PDE10A: variants seen among roughly 807,000 people sequenced by gnomAD.
PDE10A encodes the protein phosphodiesterase 10A.
PDE10A carries 39 observed loss-of-function variants against 97.7 expected under a neutral mutation model. The ratio of observed to expected loss-of-function variants is 0.40; its 90% CI spans 0.31 to 0.52. The LOEUF is 0.52. Among genes scored for constraint, PDE10A ranks in the 20% least tolerant of loss-of-function variants. The pLI, the probability that PDE10A is intolerant of heterozygous loss-of-function variation, is 0.56. For missense variants in PDE10A, 731 were observed against 1,047.8 expected, an observed-to-expected ratio of 0.70 and a Z score of 4.17; for synonymous variants, 371 against 376.8, an observed-to-expected ratio of 0.98 and a Z score of 0.18.
At chr6:165,542,853 C>G (rs973411859) in intron 2 of PDE10A, among the ~76,000 whole-genome samples, 9 of 151,780 alleles carry the variant, frequency 5.9e-5, no homozygotes, top group African/African-American at 2.2e-4. Flanking sequence ...CTCCTGACCT[C>G]GTGATCCGCC....
intron 1 of PDE10A, among the ~76,000 whole-genome samples, chr6:165,765,657 C>A (rs1377434055): frequency 6.6e-6 from 1 of 152,218 alleles, no homozygotes; most frequent in Non-Finnish European, 1.5e-5. Context: ...GGTTCCTGCT[C>A]GCGCCTCTCC....
At chr6:165,361,690 T>A (rs1188969921) in intron 18 of PDE10A, among the ~76,000 whole-genome samples, 1 of 152,104 alleles carries the variant, frequency 6.6e-6, no homozygotes, top group Non-Finnish European at 1.5e-5. Flanking sequence ...CATGTGATGA[T>A]GGAGGCAGAG....
rs1252342139 is a variant in PDE10A at position 165,619,537 on chromosome 6, A to ATGTAG, written c.865+42405_865+42409dup. Among the ~76,000 whole-genome samples, 49 of 15,904 alleles carry ATGTAG rather than the reference A, an allele frequency of 3.1e-3. 2 individuals are homozygous for ATGTAG. Among genetic ancestry groups the ATGTAG allele is most frequent in the South Asian group, 4.2e-3 (2 of 476 alleles). 10.4% of individuals were successfully genotyped at this position (15,904 alleles called of 152,430 possible). A position where few individuals can be genotyped will look rare whatever the true frequency, so the allele number is the denominator to read the frequency against. On this transcript the variant is annotated intron_variant, in intron 1 of 21. Coordinates refer to ENST00000539869, the MANE Select transcript of PDE10A (RefSeq NM_001385079.1). ...GTCTAGTGTAGTGTAGTGTAGTCTAATGTAGTGTAGTGTAGTCTAGTGTAG... is the reference window on the plus strand; with the variant it reads ...GTCTAGTGTAGTGTAGTGTAGTCTAATGTAGTGTAGTGTAGTGTAGTCTAGTGTAG...
chr6:165,611,806 T>G (rs828572), intron 1 of PDE10A, among the ~76,000 whole-genome samples: 22 of 152,274 alleles, frequency 1.4e-4, no homozygotes, highest in African/African-American at 5.1e-4. Context: ...GATAATGTAC[T>G]GTTCAGGTTT....
chr6:165,894,306 G>T (rs1781882413), intron 1 of PDE10A: 1 of 455,972 alleles, frequency 2.2e-6, no homozygotes, highest in African/African-American at 2.0e-5. Flanking sequence ...CCAATCTGCA[G>T]ATGACAAATT....
chr6:165,502,002 A>G (rs1353118883), intron 2 of PDE10A, among the ~76,000 whole-genome samples: 1 of 152,238 alleles, frequency 6.6e-6, no homozygotes, highest in African/African-American at 2.4e-5. Context: ...CATATATGTG[A>G]ATTTAGGCAA....
At chr6:165,963,765 C>A (rs1784425809) in intron 1 of PDE10A, among the ~76,000 whole-genome samples, 1 of 152,180 alleles carries the variant, frequency 6.6e-6, no homozygotes, top group South Asian at 2.1e-4. Context: ...GGTGGTATCC[C>A]CTGCTGGCAC....
chr6:165,347,268 T>C (rs535279491), intron 18 of PDE10A, among the ~76,000 whole-genome samples: 17 of 152,276 alleles, frequency 1.1e-4, no homozygotes, highest in Admixed American at 9.8e-4. Flanking sequence ...TCTGAAAGTA[T>C]TATTTGAACA....
chr6:165,782,636 G>C (rs893310424), intron 1 of PDE10A, among the ~76,000 whole-genome samples: 9 of 152,188 alleles, frequency 5.9e-5, no homozygotes, highest in Non-Finnish European at 1.3e-4. Context: ...AACACAATCT[G>C]TCGTATTTCC....
rs573103811 is a variant in PDE10A, at chr6:165,330,839, C to T, written c.*2186G>A. 6.6e-6 allele frequency: 1 copy of T among 152,174 alleles called. No homozygotes were observed. The highest frequency in any genetic ancestry group is 1.9e-4 in the East Asian group (1 of 5,176). The allele number at this position is 152,174 out of a possible 1,614,324, so 9.4% of individuals were successfully genotyped here. ...CCCTTCCTGAAATTCCATCTCCAAGCGAAATGAGATAACTAAACTAACTTT... is the reference window on the plus strand; with the variant it reads ...CCCTTCCTGAAATTCCATCTCCAAGTGAAATGAGATAACTAAACTAACTTT... On this transcript the variant is annotated 3_prime_UTR_variant, in exon 22 of 22. Transcript: ENST00000539869.
intron 1 of PDE10A, among the ~76,000 whole-genome samples, chr6:165,831,579 G>A (rs1196830599): frequency 2.0e-5 from 3 of 147,094 alleles, no homozygotes; most frequent in South Asian, 4.7e-4. Flanking sequence ...CCGGGTTCAC[G>A]CCATTCTCCT....
chr6:165,550,580 A>G (rs1481845770), intron 1 of PDE10A, among the ~76,000 whole-genome samples: 2 of 152,258 alleles, frequency 1.3e-5, no homozygotes, highest in African/African-American at 2.4e-5. Flanking sequence ...TGAAGAACAC[A>G]AGATTATTGA....
intron 18 of PDE10A, among the ~76,000 whole-genome samples, chr6:165,377,877 G>A (rs1487511285): frequency 6.6e-6 from 1 of 152,184 alleles, no homozygotes; most frequent in African/African-American, 2.4e-5. Context: ...CCTAATTGAT[G>A]TTTAGGGGCT....
At chr6:165,827,404 A>G in intron 1 of PDE10A, among the ~76,000 whole-genome samples, 1 of 152,132 alleles carries the variant, frequency 6.6e-6, no homozygotes, top group East Asian at 1.9e-4. Flanking sequence ...TCCCAGAAGA[A>G]CTCCTCCCAG....
rs1294566783 is a variant in PDE10A, at chr6:165,395,170, G to T, written c.2303+11C>A. On this transcript the variant is annotated intron_variant, in intron 15 of 21. Coordinates refer to ENST00000539869, the MANE Select transcript of PDE10A (RefSeq NM_001385079.1). ...AATATTTCAAAAAGTAAATTTTAAAGTCATTCATACCAGGATGTCCCACAG... is the reference window on the plus strand; with the variant it reads ...AATATTTCAAAAAGTAAATTTTAAATTCATTCATACCAGGATGTCCCACAG... The T allele has an allele frequency of 6.3e-7, 1 of 1,587,952 alleles. No individual in the cohort carries two copies. Among genetic ancestry groups the T allele is most frequent in the Non-Finnish European group, 8.6e-7 (1 of 1,157,060 alleles).
chr6:165,981,821 T>C (rs1241297313), intron 1 of PDE10A, among the ~76,000 whole-genome samples: 1 of 152,118 alleles, frequency 6.6e-6, no homozygotes, highest in Non-Finnish European at 1.5e-5. Flanking sequence ...ATATCAATGA[T>C]GTAAATCACC....
chr6:165,866,274 C>T (rs1781040794), intron 1 of PDE10A, among the ~76,000 whole-genome samples: 1 of 151,888 alleles, frequency 6.6e-6, no homozygotes, highest in African/African-American at 2.4e-5. Flanking sequence ...ATGTGTAAAA[C>T]AAAGTTAAAA....
chr6:165,673,924 T>C (rs1790719278), intron 1 of PDE10A, among the ~76,000 whole-genome samples: 1 of 152,176 alleles, frequency 6.6e-6, no homozygotes, highest in East Asian at 1.9e-4. Flanking sequence ...ACATTATTAG[T>C]TTAGTTGAGT....
intron 2 of PDE10A, among the ~76,000 whole-genome samples, chr6:165,519,592 G>C (rs1012584445): frequency 6.6e-6 from 1 of 152,028 alleles, no homozygotes; most frequent in African/African-American, 2.4e-5. Context: ...TGCTCAATTC[G>C]TTTAACTATT....
Sources: allele counts gnomAD v4.1 joint callset (sites outside exome capture counted in the v4.1 genomes callset), GRCh38; gene constraint gnomAD v4.1.1; transcripts MANE v1.5; gene names NCBI Gene and HGNC (gene_info 2026-07-23, HGNC 2026-07-21).